FBN2: variants seen among roughly 807,000 people sequenced by gnomAD.
FBN2 encodes fibrillin-2.
A neutral mutation model predicts 355.6 loss-of-function variants in FBN2; 105 were observed. The ratio of observed to expected loss-of-function variants is 0.30; its 90% CI spans 0.25 to 0.35. The LOEUF (loss-of-function observed/expected upper bound fraction) is 0.35, where lower values mean the gene tolerates loss of function less well. Ranked by LOEUF, FBN2 falls within the 10% of genes least tolerant of loss-of-function variation. The pLI, the probability that FBN2 is intolerant of heterozygous loss-of-function variation, is 1.00. For synonymous variants in FBN2, 1,350 were observed against 1,301.2 expected, an observed-to-expected ratio of 1.04 and a Z score of -0.81; for missense variants, 3,280 against 3,758.7, an observed-to-expected ratio of 0.87 and a Z score of 3.33.
chr5:128,436,113 T>G (rs1052182261), intron 7 of FBN2, among the ~76,000 whole-genome samples: 2 of 152,344 alleles, frequency 1.3e-5, no homozygotes, highest in Admixed American at 1.3e-4. Flanking sequence ...ACATGTGTTT[T>G]ACTAGTGCAC....
At position 128,514,406 on chromosome 5, in the gene FBN2, T is replaced by G. The variant is rs73334147; in HGVS notation, c.628+4867A>C. 6.3e-3 allele frequency among the ~76,000 whole-genome samples: 957 copies of G among 152,266 alleles called. 14 individuals are homozygous for G. Among genetic ancestry groups the G allele is most frequent in the African/African-American group, 0.022 (907 of 41,546 alleles). On this transcript the variant is annotated intron_variant, in intron 5 of 64. Coordinates refer to ENST00000262464, the MANE Select transcript of FBN2 (RefSeq NM_001999.4). ...CTTTTTGTTCCTACTCCTATTACGG[T>G]ATTTACTGTGTCTTATTGCATCCTC...
chr5:128,294,726 T>C (rs992417655), intron 48 of FBN2, among the ~76,000 whole-genome samples: 4 of 151,310 alleles, frequency 2.6e-5, no homozygotes, highest in Admixed American at 2.6e-4. Flanking sequence ...TCATTGTAGA[T>C]TCTGGATATT....
chr5:128,392,238 A>C, intron 10 of FBN2, 83 bp from the exon 11 acceptor site: 1 of 1,194,900 alleles, frequency 8.4e-7, no homozygotes, highest in South Asian at 1.3e-5. Flanking sequence ...GACATTTAAT[A>C]GTAAATTAAT....
Position 128,310,680 on chromosome 5 carries a change from C to T in FBN2, c.5075-572G>A, listed in dbSNP as rs755978238. 4.6e-5 allele frequency among the ~76,000 whole-genome samples: 7 copies of T among 152,124 alleles called. No homozygotes were observed. In the East Asian group the frequency reaches 1.2e-3, roughly 25 times the overall value. ...AGAAAAGTTATAATGGAAATAATTACGCTACATGTTTAATGTTCAGTTAGA... is the reference window on the plus strand; with the variant it reads ...AGAAAAGTTATAATGGAAATAATTATGCTACATGTTTAATGTTCAGTTAGA... On this transcript the variant is annotated intron_variant, in intron 39 of 64. Transcript: ENST00000262464.
rs772841538 is a variant in FBN2 at position 128,537,522 on chromosome 5, C to G, written c.82G>C (p.Gly28Arg). The change falls in exon 1 of 65, where the codon GGC becomes CGC. Residue 28 changes from glycine (G) to arginine (R), a missense_variant. Around this residue, in one of 6 missense-constraint regions of FBN2, gnomAD observed 203 missense variants for 142.2 expected, o/e 1.43. Transcript: ENST00000262464. ...CVVLWAQGTA[G>R]QPQPPPPKPP... Reference sequence around the variant, plus strand: ...TTGGGCGGAGGAGGCTGAGGCTGGCCGGCCGTGCCCTGCGCCCAGAGCACC... The same window carrying G: ...TTGGGCGGAGGAGGCTGAGGCTGGCGGGCCGTGCCCTGCGCCCAGAGCACC... 3 of 1,577,622 alleles carry G rather than the reference C, an allele frequency of 1.9e-6. No individual in the cohort carries two copies. The highest frequency in any genetic ancestry group is 1.7e-6 in the Non-Finnish European group (2 of 1,164,788).
chr5:128,515,462 T>C (rs1459933162), intron 5 of FBN2, among the ~76,000 whole-genome samples: 1 of 152,096 alleles, frequency 6.6e-6, no homozygotes, highest in African/African-American at 2.4e-5. Flanking sequence ...ACTCTGATGA[T>C]GAGCAGGACT....
chr5:128,510,811 A>G (rs1212713744), intron 5 of FBN2, among the ~76,000 whole-genome samples: 1 of 152,186 alleles, frequency 6.6e-6, no homozygotes, highest in East Asian at 1.9e-4. Context: ...AACTGACACA[A>G]TATAGTTCTA....
At chr5:128,312,574 A>C in intron 37 of FBN2, 60 bp downstream of exon 37, 1 of 1,596,152 alleles carries the variant, frequency 6.3e-7, no homozygotes, top group Non-Finnish European at 8.6e-7. Context: ...CAGGAATAAA[A>C]TGGCAACAAA....
Position 128,273,903 on chromosome 5 carries a change from C to T in FBN2, c.7777G>A (p.Gly2593Ser), listed in dbSNP as rs758540674. 4.3e-6 allele frequency: 7 copies of T among 1,613,930 alleles called. No individual in the cohort carries two copies. The South Asian group carries it at 7.7e-5, about 18-fold the overall frequency. Residue 2593 changes from glycine to serine, a missense_variant, in exon 61 of 65, where the codon GGC becomes AGC. Physicochemically the swap from Gly to Ser is moderately conservative, Grantham distance 56 (BLOSUM62 0). Around this residue, in one of 6 missense-constraint regions of FBN2, gnomAD observed 2,284 missense variants for 2,749.5 expected, o/e 0.83. Coordinates refer to ENST00000262464, the MANE Select transcript of FBN2 (RefSeq NM_001999.4). ...GAKGICQNTP[G>S]SFSCECQRGF... ...CTTTGGCATTCACAGCTGAAACTGC[C>T]TGGAGTGTTTTGACAGATTCCCTTT...
At chr5:128,521,502 G>T (rs1756433571) in intron 4 of FBN2, among the ~76,000 whole-genome samples, 1 of 152,134 alleles carries the variant, frequency 6.6e-6, no homozygotes, top group African/African-American at 2.4e-5. Flanking sequence ...CATGTCCTGT[G>T]CATGTATCCC....
intron 8 of FBN2, among the ~76,000 whole-genome samples, chr5:128,405,945 T>C (rs1188344081): frequency 6.6e-6 from 1 of 152,220 alleles, no homozygotes; most frequent in Non-Finnish European, 1.5e-5. Context: ...GACAACAGTG[T>C]TCAATGACGA....
At chr5:128,353,929 C>G (rs544562658) in intron 20 of FBN2, among the ~76,000 whole-genome samples, 1 of 152,228 alleles carries the variant, frequency 6.6e-6, no homozygotes, top group African/African-American at 2.4e-5. Context: ...CCATTGATAG[C>G]ACCCCGCACC....
intron 48 of FBN2, among the ~76,000 whole-genome samples, chr5:128,300,613 G>C (rs1477092421): frequency 6.6e-6 from 1 of 152,150 alleles, no homozygotes; most frequent in Non-Finnish European, 1.5e-5. Context: ...TTAGATTTCT[G>C]GTAATGAAAA....
chr5:128,400,847 G>A (rs1308599432), intron 8 of FBN2, among the ~76,000 whole-genome samples: 6 of 152,152 alleles, frequency 3.9e-5, no homozygotes, highest in African/African-American at 1.4e-4. Context: ...ATCTCAACTT[G>A]AATTGTATCT....
intron 50 of FBN2, among the ~76,000 whole-genome samples, chr5:128,290,180 G>C (rs971039498): frequency 6.6e-6 from 1 of 152,158 alleles, no homozygotes; most frequent in Non-Finnish European, 1.5e-5. Context: ...CTCATTTAAA[G>C]CTGAGCAGCT....
intron 61 of FBN2, 130 bp from the exon 62 acceptor site, chr5:128,272,248 G>A (rs1036852116): frequency 1.6e-5 from 17 of 1,046,176 alleles, no homozygotes; most frequent in Non-Finnish European, 2.3e-5. Flanking sequence ...CACATAGAGA[G>A]GCTGTCATTT....
intron 42 of FBN2, 78 bp from the exon 43 acceptor site, chr5:128,306,026 T>C (rs1749864964): frequency 7.3e-6 from 10 of 1,361,840 alleles, no homozygotes; most frequent in Non-Finnish European, 1.0e-5. Context: ...TAATGCTACA[T>C]GTACCCTGGG....
intron 17 of FBN2, among the ~76,000 whole-genome samples, chr5:128,366,021 C>A (rs1751755838): frequency 6.6e-6 from 1 of 151,854 alleles, no homozygotes; most frequent in Non-Finnish European, 1.5e-5. Flanking sequence ...TTTTCTAACC[C>A]TATCTGCACC....
At position 128,375,756 on chromosome 5, in the gene FBN2, C is replaced by T. The variant is rs2126955854; in HGVS notation, c.1972+975G>A. Among the ~76,000 whole-genome samples, 7 of 152,238 alleles carry T rather than the reference C, an allele frequency of 4.6e-5. No individual in the cohort carries two copies. In the South Asian group the frequency reaches 1.5e-3, roughly 32 times the overall value. On this transcript the variant is annotated intron_variant, in intron 14 of 64. Transcript: ENST00000262464. ...GAAACAAAGAAAAACAAAAATTTGG[C>T]CAGGTGCGATGGCTCATGCCTGTAA...
Sources: allele counts gnomAD v4.1 joint callset (sites outside exome capture counted in the v4.1 genomes callset), GRCh38; gene constraint gnomAD v4.1.1; regional missense constraint gnomAD v4.1.1; transcripts MANE v1.5; gene names NCBI Gene and HGNC (gene_info 2026-07-23, HGNC 2026-07-21).